FSD1: variants seen among roughly 807,000 people sequenced by gnomAD.
FSD1 encodes the protein fibronectin type III and SPRY domain containing 1, also known as fibronectin type III and SPRY domain-containing protein 1.
In FSD1, 23 loss-of-function variants were observed where a neutral mutation model predicts 58.2. That is an observed-to-expected ratio of 0.40 (90% CI 0.28 to 0.56). The LOEUF (loss-of-function observed/expected upper bound fraction) is 0.56. Ranked by LOEUF, FSD1 falls within the 20% of genes least tolerant of loss-of-function variation. FSD1 has a pLI of 0.54. For synonymous variants in FSD1, 265 were observed against 263.4 expected, an observed-to-expected ratio of 1.01 and a Z score of -0.06; for missense variants, 563 against 670.8, an observed-to-expected ratio of 0.84 and a Z score of 1.78.
chr19:4,313,499 C>T (rs1370822801), intron 7 of FSD1, among the ~76,000 whole-genome samples: 1 of 151,556 alleles, frequency 6.6e-6, no homozygotes, highest in Non-Finnish European at 1.5e-5. Context: ...GCGGGCGGAT[C>T]TTGAAGTCAC....
At chr19:4,320,036 G>A (rs1051411062) in intron 10 of FSD1, among the ~76,000 whole-genome samples, 1 of 152,064 alleles carries the variant, frequency 6.6e-6, no homozygotes, top group African/African-American at 2.4e-5. Flanking sequence ...CAGAGCTGAA[G>A]CCAAGGGGTA....
chr19:4,311,685 T>TAAA, intron 6 of FSD1, 157 bp from the exon 7 acceptor site: 2 of 546,748 alleles, frequency 3.7e-6, no homozygotes, highest in Non-Finnish European at 6.5e-6. Context: ...ACTCTGTCTC[T>TAAA]AAAAAAAAAA....
chr19:4,322,363 C>T (rs58998226), intron 10 of FSD1, among the ~76,000 whole-genome samples: 4,634 of 149,510 alleles, frequency 0.031, 135 homozygotes, highest in African/African-American at 0.075. Context: ...GCTGGGATCC[C>T]GAGGAGTATC....
At chr19:4,311,014 G>T (rs373385687) in intron 6 of FSD1, 1 of 164,398 alleles carries the variant, frequency 6.1e-6, no homozygotes, top group Non-Finnish European at 1.3e-5. Context: ...ATCAAGTCCC[G>T]CCCATGGGTG....
At chr19:4,310,814 T>A (rs948999540) in intron 6 of FSD1, 19 of 519,302 alleles carry the variant, frequency 3.7e-5, no homozygotes, top group African/African-American at 2.1e-4. Flanking sequence ...CACTGTGTAG[T>A]GACATCCTGG....
At chr19:4,320,425 T>A (rs1284511837) in intron 10 of FSD1, among the ~76,000 whole-genome samples, 1 of 151,682 alleles carries the variant, frequency 6.6e-6, no homozygotes, top group Non-Finnish European at 1.5e-5. Flanking sequence ...ACACTATGAG[T>A]CTTCCAGGAA....
In FSD1 at chr19:4,323,402, C is replaced by A; in HGVS notation, c.1346C>A (p.Thr449Asn). ...AAACAAGTGCTGCACACTTTCAAGA[C>A]CAGGTTCACACAGCCGCTGCTGCCT... ...RTKQVLHTFK[T>N]RFTQPLLPAF... The change falls in exon 12 of 13, where the codon ACC becomes AAC. Residue 449 changes from threonine to asparagine, a missense_variant. Transcript: ENST00000221856. The surrounding 1 kb of genome is among the most constrained non-coding windows in gnomAD (Gnocchi z 7.7). 1 of 1,613,926 alleles carries A rather than the reference C, an allele frequency of 6.2e-7. No homozygotes were observed. Among genetic ancestry groups the A allele is most frequent in the Admixed American group, 1.7e-5 (1 of 59,980 alleles).
At chr19:4,308,147 G>A (rs188319856) in intron 4 of FSD1, among the ~76,000 whole-genome samples, 164 bp downstream of exon 4, 202 of 152,324 alleles carry the variant, frequency 1.3e-3, no homozygotes, top group African/African-American at 4.8e-3. Flanking sequence ...CAGTGGCTAC[G>A]CCTGTAATCC....
At chr19:4,318,142 T>C (rs1343257853) in intron 8 of FSD1, among the ~76,000 whole-genome samples, 1 of 151,686 alleles carries the variant, frequency 6.6e-6, no homozygotes, top group Admixed American at 6.6e-5. Flanking sequence ...TCTCTCCTGT[T>C]GTCCTTCTGC....
intron 8 of FSD1, 75 bp downstream of exon 8, chr19:4,317,355 A>C (rs2144766644): frequency 1.1e-6 from 1 of 946,516 alleles, no homozygotes; most frequent in South Asian, 1.3e-5. Flanking sequence ...GACCATGAGA[A>C]TCCTCGAAGC....
chr19:4,310,449 C>A, intron 5 of FSD1, 26 bp from the exon 6 acceptor site: 3 of 1,606,846 alleles, frequency 1.9e-6, no homozygotes, highest in Non-Finnish European at 2.6e-6. Context: ...GTCCCCCACG[C>A]AACGCCTGCC....
At chr19:4,314,643 T>C (rs576268990) in intron 7 of FSD1, among the ~76,000 whole-genome samples, 5 of 152,204 alleles carry the variant, frequency 3.3e-5, no homozygotes, top group East Asian at 3.9e-4. Context: ...CCCACCACCA[T>C]GCCTGGCTAA....
intron 7 of FSD1, among the ~76,000 whole-genome samples, chr19:4,315,099 G>T (rs915828783): frequency 4.0e-5 from 6 of 151,784 alleles, no homozygotes; most frequent in Non-Finnish European, 7.4e-5. Context: ...GGAGGGTTTG[G>T]GTTATTTTCT....
At position 4,323,699 on chromosome 19, in the gene FSD1, G is replaced by A. The variant is rs1971734143; in HGVS notation, c.*56G>A. ...TTTGGGGGAGTCGCCGCCAAGCCCA[G>A]GCTGCTGGAGCCAGGCACCCTCCTC... On this transcript the variant is annotated 3_prime_UTR_variant, in exon 13 of 13. Coordinates refer to ENST00000221856, the MANE Select transcript of FSD1 (RefSeq NM_024333.3). The surrounding 1 kb of genome is among the most constrained non-coding windows in gnomAD (Gnocchi z 7.7). The A allele has an allele frequency of 8.0e-7, 1 of 1,247,340 alleles. No individual in the cohort carries two copies. Among genetic ancestry groups the A allele is most frequent in the African/African-American group, 1.5e-5 (1 of 67,438 alleles). The allele number at this position is 1,247,340 out of a possible 1,614,324, so 77.3% of individuals were successfully genotyped here.
chr19:4,305,181 C>T (rs915914312), intron 1 of FSD1, among the ~76,000 whole-genome samples: 2 of 149,590 alleles, frequency 1.3e-5, no homozygotes, highest in Non-Finnish European at 3.0e-5. Flanking sequence ...AAGAGGCTCC[C>T]GAGCGGGATC....
At chr19:4,317,970 T>C (rs1035839148) in intron 8 of FSD1, among the ~76,000 whole-genome samples, 6 of 152,126 alleles carry the variant, frequency 3.9e-5, no homozygotes, top group Non-Finnish European at 8.8e-5. Flanking sequence ...TGAGCCGAGA[T>C]TGTGCCACAG....
At chr19:4,315,035 C>G (rs1317735939) in intron 7 of FSD1, among the ~76,000 whole-genome samples, 2 of 152,198 alleles carry the variant, frequency 1.3e-5, no homozygotes, top group African/African-American at 4.8e-5. Context: ...AAAGCAGCTG[C>G]CTATGTGGTC....
chr19:4,306,506 C>G (rs989034504), intron 3 of FSD1, among the ~76,000 whole-genome samples, 177 bp downstream of exon 3: 14 of 151,744 alleles, frequency 9.2e-5, no homozygotes, highest in Admixed American at 5.9e-4. Flanking sequence ...CTCGCTCTGT[C>G]GCCCAGGCTG....
chr19:4,306,309 A>C lies in FSD1; in HGVS notation c.223A>C (p.Ser75Arg), dbSNP rs913409257. ...TATGAAGATAAAACAGGACCGTGCCAGCCGTACCTACGAGCTGCAGGTGAG... is the reference window on the plus strand; with the variant it reads ...TATGAAGATAAAACAGGACCGTGCCCGCCGTACCTACGAGCTGCAGGTGAG... The part of the protein sequence containing the change: ...MLMKIKQDRA[S>R]RTYELQNQLA... The change falls in exon 3 of 13, where the codon AGC becomes CGC. Residue 75 changes from serine to arginine, a missense_variant. By Grantham distance (110) the Ser-to-Arg change is moderately radical. Coordinates refer to ENST00000221856, the MANE Select transcript of FSD1 (RefSeq NM_024333.3). The C allele has an allele frequency of 6.2e-7, 1 of 1,613,920 alleles. No homozygotes were observed. Among genetic ancestry groups the C allele is most frequent in the Non-Finnish European group, 8.5e-7 (1 of 1,180,002 alleles).
Sources: allele counts gnomAD v4.1 joint callset (sites outside exome capture counted in the v4.1 genomes callset), GRCh38; gene constraint gnomAD v4.1.1; non-coding constraint Gnocchi (gnomAD v3.1); transcripts MANE v1.5; gene names NCBI Gene and HGNC (gene_info 2026-07-23, HGNC 2026-07-21).